Variants in CGAS observed in about 807,000 individuals in gnomAD.
CGAS encodes the protein cyclic GMP-AMP synthase.
Under a neutral mutation model 34.0 loss-of-function variants are expected in CGAS, and 31 were observed. The observed-to-expected ratio is 0.91, with a 90% CI of 0.69 to 1.23. CGAS has a LOEUF of 1.23. Among genes scored for constraint, CGAS ranks in the 50% most tolerant of loss-of-function variants. The probability of loss-of-function intolerance (pLI) is 0.00; values close to 1 mark genes in which losing one functional copy is unlikely to be tolerated. For missense variants in CGAS, 597 were observed against 657.6 expected (o/e 0.91, Z 1.01); for synonymous variants, 266 against 260.0 (o/e 1.02, Z -0.22).
At chr6:73,432,538 G>A (rs1770210302) in intron 3 of CGAS, among the ~76,000 whole-genome samples, 1 of 152,034 alleles carries the variant, frequency 6.6e-6, no homozygotes, top group Admixed American at 6.6e-5. Flanking sequence ...GCTCACAGAA[G>A]CCTCAACCTC....
intron 1 of CGAS, among the ~76,000 whole-genome samples, chr6:73,446,967 A>G (rs1366613144): frequency 2.6e-5 from 4 of 152,068 alleles, no homozygotes; most frequent in Non-Finnish European, 4.4e-5. Flanking sequence ...GAGGCAGGAG[A>G]CTTGCTTGAA....
rs568261995 is a variant in CGAS, at chr6:73,445,767, G to A, written c.658-20C>T. 2.6e-6 allele frequency: 4 copies of A among 1,530,880 alleles called. No individual in the cohort carries two copies. In the African/African-American group the frequency reaches 4.2e-5, roughly 16 times the overall value. The allele number at this position is 1,530,880 out of a possible 1,614,324, so 94.8% of individuals were successfully genotyped here. A position where few individuals can be genotyped will look rare whatever the true frequency, so the allele number is the denominator to read the frequency against. On this transcript the variant is annotated intron_variant, in intron 1 of 4. Transcript: ENST00000370315. ...AGAAATCTAAGAAACAGTAAAAATA[G>A]TACTGAAATATTTGCTTATGAATAT...
intron 2 of CGAS, among the ~76,000 whole-genome samples, chr6:73,444,125 G>C (rs1770428763): frequency 6.6e-6 from 1 of 151,918 alleles, no homozygotes; most frequent in South Asian, 2.1e-4. Flanking sequence ...GAGTAGCTGG[G>C]ATTACAGGCA....
At chr6:73,426,296 TAA>T in intron 4 of CGAS, among the ~76,000 whole-genome samples, 1 of 146,422 alleles carries the variant, frequency 6.8e-6, no homozygotes, top group African/African-American at 2.5e-5. Context: ...TAAAATAAAA[TAA>T]AATAAAATAA....
Position 73,425,382 on chromosome 6 carries a change from G to A in CGAS, c.1414C>T (p.Leu472Phe), listed in dbSNP as rs1770067473. The A allele has an allele frequency of 6.2e-7, 1 of 1,613,470 alleles. No individual in the cohort carries two copies. Among genetic ancestry groups the A allele is most frequent in the Non-Finnish European group, 8.5e-7 (1 of 1,179,930 alleles). ...LCFDNCVTYF[L>F]QCLRTEKLEN... ...AGTTTTTCTGTCCTGAGGCACTGAAGAAAGTATGTCACGCAGTTATCAAAG... is the reference window on the plus strand; with the variant it reads ...AGTTTTTCTGTCCTGAGGCACTGAAAAAAGTATGTCACGCAGTTATCAAAG... Residue 472 changes from leucine to phenylalanine, a missense_variant, in exon 5 of 5, where the codon CTT becomes TTT. Transcript: ENST00000370315.
chr6:73,427,804 T>A (rs1477986540), intron 4 of CGAS, among the ~76,000 whole-genome samples: 1 of 151,908 alleles, frequency 6.6e-6, no homozygotes, highest in East Asian at 1.9e-4. Flanking sequence ...GAGACCACCA[T>A]CTCTACCAAT....
intron 3 of CGAS, among the ~76,000 whole-genome samples, chr6:73,437,716 G>T (rs1283483820): frequency 6.6e-6 from 1 of 151,874 alleles, no homozygotes; most frequent in Non-Finnish European, 1.5e-5. Flanking sequence ...TATATCCTTG[G>T]TAATAAAACT....
intron 2 of CGAS, among the ~76,000 whole-genome samples, chr6:73,444,296 A>AT (rs1300694695): frequency 8.4e-6 from 1 of 119,172 alleles, no homozygotes; most frequent in Admixed American, 9.1e-5. Context: ...CCAGATTTTA[A>AT]TTTAATTTAA....
In CGAS at chr6:73,451,808, C is replaced by T. The variant is rs755056462; in HGVS notation, c.374G>A (p.Gly125Asp). ...TCTTGGCTTCGTGGAGCAGCGCGCG[C>T]CCCTCTGGCGGCAAGAACCAGCCCT... ...LSRAGSCRQR[G>D]ARCSTKPRPP... The change falls in exon 1 of 5, where the codon GGC (glycine) becomes GAC (aspartate). Residue 125 changes from glycine to aspartate, a missense_variant. Gly to Asp is a moderately conservative substitution (Grantham distance 94). Around this residue, in one of 3 missense-constraint regions of CGAS, gnomAD observed 321 missense variants for 314.3 expected, o/e 1.02. Transcript: ENST00000370315. The T allele has an allele frequency of 6.8e-5, 106 of 1,562,186 alleles. No individual in the cohort carries two copies. In the African/African-American group the frequency reaches 1.2e-3, roughly 17 times the overall value.
At chr6:73,436,226 T>C (rs1266538042) in intron 3 of CGAS, among the ~76,000 whole-genome samples, 3 of 151,910 alleles carry the variant, frequency 2.0e-5, no homozygotes, top group Non-Finnish European at 4.4e-5. Context: ...CATTTCCCTA[T>C]TATTAACATC....
rs1324457133 is a variant in CGAS, at chr6:73,425,503, A to C, written c.1293T>G (p.Asp431Glu). Residue 431 changes from aspartate (D) to glutamate (E), a missense_variant, in exon 5 of 5, where the codon GAT becomes GAG. Physicochemically the swap from Asp to Glu is conservative, Grantham distance 45 (BLOSUM62 2). This residue lies in a region of CGAS where 271 missense variants were observed against 324.1 expected (regional missense o/e 0.84). Coordinates refer to ENST00000370315, the MANE Select transcript of CGAS (RefSeq NM_138441.3). ...KERFKDKKHL[D>E]KFSSYHVKTA... is the part of the protein sequence containing the mutation. ...TTTTCACATGATAAGAAGAGAATTTATCCAGATGTTTTTTGTCTTTAAACC... is the reference window on the plus strand; with the variant it reads ...TTTTCACATGATAAGAAGAGAATTTCTCCAGATGTTTTTTGTCTTTAAACC... The C allele has an allele frequency of 6.2e-7, 1 of 1,613,164 alleles. No homozygotes were observed. Among genetic ancestry groups the C allele is most frequent in the East Asian group, 2.2e-5 (1 of 44,898 alleles).
chr6:73,450,056 A>G (rs1213600469), intron 1 of CGAS, among the ~76,000 whole-genome samples: 1 of 151,170 alleles, frequency 6.6e-6, no homozygotes, highest in African/African-American at 2.4e-5. Flanking sequence ...AGAGAGAGAG[A>G]GGAAGAGAGG....
In CGAS at chr6:73,425,289, A is replaced by G. The variant is rs1449920881; in HGVS notation, c.1507T>C (p.Phe503Leu). 8.1e-6 allele frequency: 13 copies of G among 1,598,316 alleles called. No individual in the cohort carries two copies. Among genetic ancestry groups the G allele is most frequent in the Non-Finnish European group, 1.1e-5 (13 of 1,175,998 alleles). Residue 503 changes from phenylalanine to leucine, a missense_variant, in exon 5 of 5, where the codon TTT becomes CTT. By Grantham distance (22) the Phe-to-Leu change is conservative (BLOSUM62 0). Coordinates refer to ENST00000370315, the MANE Select transcript of CGAS (RefSeq NM_138441.3). ...SNLIDKRSKE[F>L]LTKQIEYERN... is the part of the protein sequence containing the mutation. The stretch of plus-strand genomic sequence containing the variant: ...TCATATTCAATTTGCTTTGTCAGAA[A>G]TTCCTTACTTCTTTTGTCAATTAAG...
At chr6:73,443,387 C>T (rs1236942461) in intron 2 of CGAS, among the ~76,000 whole-genome samples, 2 of 151,792 alleles carry the variant, frequency 1.3e-5, no homozygotes, top group Non-Finnish European at 2.9e-5. Flanking sequence ...TACAGGCACC[C>T]GCCACCACGC....
chr6:73,429,846 C>T (rs531415306), intron 3 of CGAS, among the ~76,000 whole-genome samples: 1 of 152,060 alleles, frequency 6.6e-6, no homozygotes, highest in African/African-American at 2.4e-5. Context: ...AATTTCTCCC[C>T]GAGTCTTACC....
intron 3 of CGAS, among the ~76,000 whole-genome samples, chr6:73,436,458 A>G (rs1299978430): frequency 6.7e-6 from 1 of 150,114 alleles, no homozygotes; most frequent in Non-Finnish European, 1.5e-5. Context: ...AAAACATTGT[A>G]TATAATTTAT....
chr6:73,445,604 T>C lies in CGAS; in HGVS notation c.801A>G (p.Glu267=). Residue 267 remains glutamate (E), a synonymous_variant, in exon 2 of 5, where the codon GAA becomes GAG. Coordinates refer to ENST00000370315, the MANE Select transcript of CGAS (RefSeq NM_138441.3). ...TCTTAGAAGCTGATAATATTTCACC[T>C]TCTAAAAACTGACTCAGAGGATTTT... The part of the protein sequence containing the change: ...PKENPLSQFL[E]GEILSASKML... 1 of 1,612,204 alleles carries C rather than the reference T, an allele frequency of 6.2e-7. No homozygotes were observed.
chr6:73,425,692 G>C, intron 4 of CGAS, 114 bp from the exon 5 acceptor site: 1 of 683,944 alleles, frequency 1.5e-6, no homozygotes, highest in East Asian at 2.9e-5. Context: ...CATAAATATA[G>C]GCCGGGCGTG....
At position 73,451,767 on chromosome 6, in the gene CGAS, A is replaced by C. The variant is rs763836802; in HGVS notation, c.415T>G (p.Trp139Gly). The C allele has an allele frequency of 4.2e-5, 67 of 1,602,472 alleles. No homozygotes were observed. The South Asian group carries it at 7.1e-4, about 17-fold the overall frequency. ...STKPRPPPGPWDVPSPGLPVS... is the reference protein window; with the variant it reads ...STKPRPPPGPGDVPSPGLPVS... ...GGCAGGCCGGGGCTGGGCACGTCCCAGGGCCCGGGCGGAGGTCTTGGCTTC... is the reference window on the plus strand; with the variant it reads ...GGCAGGCCGGGGCTGGGCACGTCCCCGGGCCCGGGCGGAGGTCTTGGCTTC... Residue 139 changes from tryptophan (W) to glycine (G), a missense_variant, in exon 1 of 5, where the codon TGG becomes GGG. Coordinates refer to ENST00000370315, the MANE Select transcript of CGAS (RefSeq NM_138441.3).
Sources: gnomAD v4.1 joint callset for allele counts (sites outside exome capture counted in the v4.1 genomes callset) on GRCh38, gnomAD v4.1.1 for gene constraint, gnomAD v4.1.1 regional missense constraint, MANE v1.5 for transcripts, NCBI Gene and HGNC (gene_info 2026-07-23, HGNC 2026-07-21) for gene names.